MGAT4C: variants seen among roughly 807,000 people sequenced by gnomAD.
MGAT4C encodes alpha-1,3-mannosyl-glycoprotein 4-beta-N-acetylglucosaminyltransferase C.
MGAT4C carries 19 observed loss-of-function variants against 40.1 expected under a neutral mutation model. The observed-to-expected ratio is 0.47, with a 90% CI of 0.33 to 0.70. The LOEUF (loss-of-function observed/expected upper bound fraction) is 0.70. Among genes scored for constraint, MGAT4C ranks in the 30% least tolerant of loss-of-function variants. The pLI, the probability that MGAT4C is intolerant of heterozygous loss-of-function variation, is 0.02. For missense variants in MGAT4C, 491 were observed against 563.2 expected, an observed-to-expected ratio of 0.87 and a Z score of 1.30; for synonymous variants, 181 against 187.1, an observed-to-expected ratio of 0.97 and a Z score of 0.27.
At chr12:86,750,456 C>A (rs1441266806) in intron 1 of MGAT4C, among the ~76,000 whole-genome samples, 1 of 151,808 alleles carries the variant, frequency 6.6e-6, no homozygotes. Context: ...TGACTCACCT[C>A]CAAGGCATTT....
intron 3 of MGAT4C, among the ~76,000 whole-genome samples, chr12:86,399,112 A>G (rs1397262065): frequency 6.6e-6 from 1 of 152,034 alleles, no homozygotes; most frequent in Non-Finnish European, 1.5e-5. Context: ...CTGGGACTAC[A>G]GGCACCCACC....
At chr12:86,563,220 A>G (rs370755554) in intron 2 of MGAT4C, among the ~76,000 whole-genome samples, 1 of 152,194 alleles carries the variant, frequency 6.6e-6, no homozygotes. Flanking sequence ...CTCAATTGGA[A>G]AATTTAAATG....
chr12:86,227,773 A>T (rs2136005178), intron 1 of MGAT4C, among the ~76,000 whole-genome samples: 1 of 152,026 alleles, frequency 6.6e-6, no homozygotes, highest in Middle Eastern at 3.4e-3. Flanking sequence ...CTCTATCCTG[A>T]TGTAGAAACA....
At chr12:86,769,222 C>T (rs545232479) in intron 1 of MGAT4C, among the ~76,000 whole-genome samples, 14 of 152,304 alleles carry the variant, frequency 9.2e-5, no homozygotes, top group South Asian at 6.2e-4. Context: ...TGAACAGACA[C>T]TTCTCAAAAG....
intron 4 of MGAT4C, among the ~76,000 whole-genome samples, chr12:86,309,154 A>G (rs1273154503): frequency 1.3e-5 from 2 of 150,482 alleles, no homozygotes; most frequent in African/African-American, 5.0e-5. Context: ...TTGCTTGCTG[A>G]TTCAGAACAA....
chr12:86,139,800 T>C (rs1593049512), intron 1 of MGAT4C, among the ~76,000 whole-genome samples: 1 of 152,212 alleles, frequency 6.6e-6, no homozygotes, highest in East Asian at 1.9e-4. Flanking sequence ...CCACAGCATT[T>C]GTATCAACTT....
At chr12:86,506,851 A>G (rs1232161822) in intron 2 of MGAT4C, among the ~76,000 whole-genome samples, 1 of 152,196 alleles carries the variant, frequency 6.6e-6, no homozygotes, top group African/African-American at 2.4e-5. Flanking sequence ...ATGAAGGCAG[A>G]AAGAAGGGGT....
chr12:86,590,565 T>A (rs555695166), intron 2 of MGAT4C, among the ~76,000 whole-genome samples: 124 of 152,138 alleles, frequency 8.2e-4, no homozygotes, highest in African/African-American at 2.7e-3. Flanking sequence ...TGCTGTTTCT[T>A]GTATACATAT....
intron 2 of MGAT4C, among the ~76,000 whole-genome samples, chr12:86,041,178 T>C (rs1891801206): frequency 6.6e-6 from 1 of 152,176 alleles, no homozygotes; most frequent in African/African-American, 2.4e-5. Flanking sequence ...ATGTCCCATT[T>C]ACCATTTCTG....
intron 1 of MGAT4C, among the ~76,000 whole-genome samples, chr12:86,195,051 T>C (rs1300499471): frequency 6.6e-6 from 1 of 152,244 alleles, no homozygotes; most frequent in African/African-American, 2.4e-5. Flanking sequence ...TCTTGCTTTC[T>C]GGGATCTTGG....
intron 1 of MGAT4C, among the ~76,000 whole-genome samples, chr12:86,245,412 C>T (rs933092949): frequency 6.6e-6 from 1 of 152,224 alleles, no homozygotes; most frequent in Non-Finnish European, 1.5e-5. Flanking sequence ...TATCAGACAT[C>T]AGACACCATG....
intron 2 of MGAT4C, among the ~76,000 whole-genome samples, chr12:86,501,143 G>A (rs1192902052): frequency 6.6e-6 from 1 of 151,626 alleles, no homozygotes; most frequent in Non-Finnish European, 1.5e-5. Context: ...ATTGGAAAAA[G>A]AATAAATTCT....
intron 2 of MGAT4C, among the ~76,000 whole-genome samples, chr12:86,694,800 G>A (rs1950226921): frequency 1.3e-5 from 2 of 152,122 alleles, no homozygotes; most frequent in South Asian, 4.1e-4. Flanking sequence ...TAAGACCTCA[G>A]ACTTTGAAAC....
At chr12:86,803,067 A>AT (rs1313363367) in intron 1 of MGAT4C, among the ~76,000 whole-genome samples, 1 of 140,284 alleles carries the variant, frequency 7.1e-6, no homozygotes, top group East Asian at 2.0e-4. Flanking sequence ...CAAAACAGAG[A>AT]TATAGATCAA....
chr12:86,066,691 A>G (rs927866641), intron 1 of MGAT4C, among the ~76,000 whole-genome samples: 1 of 151,078 alleles, frequency 6.6e-6, no homozygotes, highest in East Asian at 1.9e-4. Context: ...AATGGCAACA[A>G]AAGTCAAAAT....
chr12:86,652,257 CAT>C (rs1963717452), intron 2 of MGAT4C, among the ~76,000 whole-genome samples: 2 of 151,854 alleles, frequency 1.3e-5, no homozygotes, highest in Admixed American at 1.3e-4. Flanking sequence ...ACTAAACCCA[CAT>C]GTGTATTACC....
intron 2 of MGAT4C, among the ~76,000 whole-genome samples, chr12:86,530,059 T>C (rs973659940): frequency 6.6e-6 from 1 of 152,086 alleles, no homozygotes; most frequent in African/African-American, 2.4e-5. Flanking sequence ...AAAAATATTG[T>C]CAATCTTTAA....
chr12:85,962,039 A>G lies in MGAT4C; in HGVS notation c.*17250T>C, dbSNP rs1430355819. 1 of 151,902 alleles carries G rather than the reference A, an allele frequency of 6.6e-6. No individual in the cohort carries two copies. Among genetic ancestry groups the G allele is most frequent in the Non-Finnish European group, 1.5e-5 (1 of 67,812 alleles). The allele number at this position is 151,902 out of a possible 1,614,324, so 9.4% of individuals were successfully genotyped here. On this transcript the variant is annotated 3_prime_UTR_variant, in exon 5 of 5. Transcript: ENST00000611864. The stretch of plus-strand genomic sequence containing the variant: ...AGTAGAATATACCTACAGTCCCCTT[A>G]GAAACTCTTAAATCTTCAATTTATA...
intron 3 of MGAT4C, among the ~76,000 whole-genome samples, chr12:86,346,311 G>A (rs1359164440): frequency 6.6e-6 from 1 of 152,116 alleles, no homozygotes; most frequent in Non-Finnish European, 1.5e-5. Flanking sequence ...TGCAACCTCT[G>A]CCTCTCAGGG....
Sources: allele counts gnomAD v4.1 joint callset (sites outside exome capture counted in the v4.1 genomes callset), GRCh38; gene constraint gnomAD v4.1.1; transcripts MANE v1.5; gene names NCBI Gene and HGNC (gene_info 2026-07-23, HGNC 2026-07-21).